BRIP1: variants seen among roughly 807,000 people sequenced by gnomAD.
BRIP1 encodes the protein BRCA1 interacting DNA helicase 1.
In BRIP1, 88 loss-of-function variants were observed where a neutral mutation model predicts 119.7. That is an observed-to-expected ratio of 0.74 (90% CI 0.62 to 0.88). BRIP1 has a LOEUF of 0.88. BRIP1 is among the 40% of genes least tolerant of loss of function. The pLI is 0.00. For missense variants in BRIP1, 1,259 were observed against 1,455.4 expected (o/e 0.87, Z 2.20); for synonymous variants, 443 against 496.5 (o/e 0.89, Z 1.43).
At position 61,756,005 on chromosome 17, in the gene BRIP1, G is replaced by A. The variant is rs534959934; in HGVS notation, c.2098-11414C>T. Among the ~76,000 whole-genome samples the A allele has an allele frequency of 3.3e-5, 5 of 152,118 alleles. No homozygotes were observed. The highest frequency in any genetic ancestry group is 4.4e-5 in the Non-Finnish European group (3 of 68,028). On this transcript the variant is annotated intron_variant, in intron 14 of 19. Coordinates refer to ENST00000259008, the MANE Select transcript of BRIP1 (RefSeq NM_032043.3). The surrounding 1 kb of genome is among the most constrained non-coding windows in gnomAD (Gnocchi z 4.3). ...GTGTTTTATTTTAATTTCTTCAGTG[G>A]AGATTTTTTTTAAAGTACCTTAAAA...
intron 16 of BRIP1, among the ~76,000 whole-genome samples, chr17:61,741,207 G>A (rs2076982678): frequency 6.6e-6 from 1 of 152,144 alleles, no homozygotes; most frequent in Non-Finnish European, 1.5e-5. Flanking sequence ...GTGTCCTCAT[G>A]AGATTGCAGC....
intron 3 of BRIP1, 85 bp downstream of exon 3, chr17:61,859,711 G>C: frequency 1.1e-6 from 1 of 876,686 alleles, no homozygotes; most frequent in Non-Finnish European, 1.9e-6. Context: ...GCGACAGCAT[G>C]GCTGAACCAG....
chr17:61,818,082 A>T (rs1029535619), intron 6 of BRIP1, among the ~76,000 whole-genome samples: 1 of 149,666 alleles, frequency 6.7e-6, no homozygotes, highest in Non-Finnish European at 1.5e-5. Flanking sequence ...GACAGGTGTG[A>T]TCTCTCACAC....
chr17:61,683,112 C>G lies in BRIP1; in HGVS notation c.*184G>C. ...CACCACTGCATTCCAGCCTGGGCAA[C>G]AGACCAAGACTCTGTCTCAAAAAAA... On this transcript the variant is annotated 3_prime_UTR_variant, in exon 20 of 20. Coordinates refer to ENST00000259008, the MANE Select transcript of BRIP1 (RefSeq NM_032043.3). This position sits in a 1 kb window ranked among gnomAD's most constrained non-coding sequence, Gnocchi z 4.7. The G allele has an allele frequency of 1.5e-6, 1 of 675,156 alleles. No individual in the cohort carries two copies. Among genetic ancestry groups the G allele is most frequent in the South Asian group, 2.0e-5 (1 of 50,084 alleles). The allele number at this position is 675,156 out of a possible 1,614,324, so 41.8% of individuals were successfully genotyped here. A position where few individuals can be genotyped will look rare whatever the true frequency, so the allele number is the denominator to read the frequency against.
At position 61,756,713 on chromosome 17, in the gene BRIP1, A is replaced by C. The variant is rs537547448; in HGVS notation, c.2098-12122T>G. Among the ~76,000 whole-genome samples the C allele has an allele frequency of 1.3e-5, 2 of 152,314 alleles. No individual in the cohort carries two copies. Among genetic ancestry groups the C allele is most frequent in the Admixed American group, 1.3e-4 (2 of 15,292 alleles). ...TTTGCTCAATGTCCATAGCTTTTAC[A>C]CAGTTCCAGATGTTCAGTACATTAA... On this transcript the variant is annotated intron_variant, in intron 14 of 19. Transcript: ENST00000259008. This position sits in a 1 kb window ranked among gnomAD's most constrained non-coding sequence, Gnocchi z 4.3.
In BRIP1 at chr17:61,834,897, G is replaced by C. The variant is rs1288836143; in HGVS notation, c.627+12204C>G. Among the ~76,000 whole-genome samples the C allele has an allele frequency of 1.3e-5, 2 of 152,296 alleles. No individual in the cohort carries two copies. Among genetic ancestry groups the C allele is most frequent in the African/African-American group, 4.8e-5 (2 of 41,554 alleles). ...CTGAGATCAGCAGAAGAAATGCCCAGCTGAGCCCACCCTAAATTGCTGACC... is the reference window on the plus strand; with the variant it reads ...CTGAGATCAGCAGAAGAAATGCCCACCTGAGCCCACCCTAAATTGCTGACC... On this transcript the variant is annotated intron_variant, in intron 6 of 19. Transcript: ENST00000259008. The surrounding 1 kb of genome is among the most constrained non-coding windows in gnomAD (Gnocchi z 4.4).
rs908978207 is a variant in BRIP1 at position 61,690,756 on chromosome 17, C to T, written c.2575+2674G>A. Reference sequence around the variant, plus strand: ...GAAAAAGAATAAAGTGAAATGATCTCTCTTTGCAGATGACATGATCTTTTA... The same window carrying T: ...GAAAAAGAATAAAGTGAAATGATCTTTCTTTGCAGATGACATGATCTTTTA... On this transcript the variant is annotated intron_variant, in intron 18 of 19. Transcript: ENST00000259008. This position sits in a 1 kb window ranked among gnomAD's most constrained non-coding sequence, Gnocchi z 5.6. Among the ~76,000 whole-genome samples the T allele has an allele frequency of 2.6e-5, 4 of 152,034 alleles. 1 individual carries two copies. The South Asian group carries it at 8.3e-4, about 32-fold the overall frequency.
Position 61,717,650 on chromosome 17 carries a change from G to A in BRIP1, c.2380-1587C>T, listed in dbSNP as rs751203535. The stretch of plus-strand genomic sequence containing the variant: ...TAGCGACTTTGGATTGGATTACAGT[G>A]TGCTGTTGTGTGTATTTTGCTTGCG... On this transcript the variant is annotated intron_variant, in intron 16 of 19. Transcript: ENST00000259008. The surrounding 1 kb of genome is among the most constrained non-coding windows in gnomAD (Gnocchi z 4.1). Among the ~76,000 whole-genome samples the A allele has an allele frequency of 4.6e-5, 7 of 152,046 alleles. No individual in the cohort carries two copies. Among genetic ancestry groups the A allele is most frequent in the Admixed American group, 1.3e-4 (2 of 15,268 alleles).
chr17:61,850,161 G>C (rs2078796897), intron 4 of BRIP1, among the ~76,000 whole-genome samples: 1 of 148,012 alleles, frequency 6.8e-6, no homozygotes, highest in South Asian at 2.1e-4. Flanking sequence ...GAAGTGCAAT[G>C]GTGTGATCTC....
chr17:61,781,223 G>C (rs1475086059), intron 11 of BRIP1, among the ~76,000 whole-genome samples: 2 of 152,122 alleles, frequency 1.3e-5, no homozygotes, highest in Admixed American at 1.3e-4. Context: ...GGGAATATTA[G>C]AAATCATCTA....
rs185229482 is a variant in BRIP1 at position 61,741,796 on chromosome 17, T to C, written c.2379+1217A>G. On this transcript the variant is annotated intron_variant, in intron 16 of 19. Transcript: ENST00000259008. ...TTCCATCTATACAGCACAGGCAGAG[T>C]AGATTTAGTATAATTCTTAAAGGCT... Among the ~76,000 whole-genome samples the C allele has an allele frequency of 1.7e-3, 260 of 152,242 alleles. 2 individuals carry two copies. Among genetic ancestry groups the C allele is most frequent in the African/African-American group, 4.7e-3 (196 of 41,558 alleles).
Position 61,775,556 on chromosome 17 carries a change from A to T in BRIP1, c.2097+845T>A, listed in dbSNP as rs557844725. On this transcript the variant is annotated intron_variant, in intron 14 of 19. Transcript: ENST00000259008. This position sits in a 1 kb window ranked among gnomAD's most constrained non-coding sequence, Gnocchi z 4.4. The stretch of plus-strand genomic sequence containing the variant: ...CAATGTGATGTTACTTTCAGGAATT[A>T]TAAGTGGTTTCAATGCTTTGAATGT... Among the ~76,000 whole-genome samples, 3 of 152,350 alleles carry T rather than the reference A, an allele frequency of 2.0e-5. No individual in the cohort carries two copies. Among genetic ancestry groups the T allele is most frequent in the Non-Finnish European group, 4.4e-5 (3 of 68,040 alleles).
At chr17:61,850,673 C>T (rs911456046) in intron 4 of BRIP1, among the ~76,000 whole-genome samples, 5 of 151,412 alleles carry the variant, frequency 3.3e-5, no homozygotes, top group African/African-American at 7.3e-5. Flanking sequence ...ATTAAAAATA[C>T]GAAAATTAGC....
Position 61,794,035 on chromosome 17 carries a change from T to G in BRIP1, c.1341-306A>C, listed in dbSNP as rs1002691311. On this transcript the variant is annotated intron_variant, in intron 9 of 19. Coordinates refer to ENST00000259008, the MANE Select transcript of BRIP1 (RefSeq NM_032043.3). This position sits in a 1 kb window ranked among gnomAD's most constrained non-coding sequence, Gnocchi z 4.3. ...GTCTCTTCAACTGAGAGCCAGGTCT[T>G]AGGTACTTATCCCAAATATATATAA... is the stretch of plus-strand genomic sequence containing the variant. Among the ~76,000 whole-genome samples the G allele has an allele frequency of 6.6e-6, 1 of 152,140 alleles. No homozygotes were observed. The highest frequency in any genetic ancestry group is 2.4e-5 in the African/African-American group (1 of 41,448).
chr17:61,788,353 C>A (rs760082306), intron 10 of BRIP1, among the ~76,000 whole-genome samples: 7 of 151,960 alleles, frequency 4.6e-5, no homozygotes, highest in Non-Finnish European at 7.4e-5. Context: ...AGAACTATAT[C>A]TTGTCATGAA....
chr17:61,707,742 G>T (rs1180364069), intron 17 of BRIP1, among the ~76,000 whole-genome samples: 5 of 151,078 alleles, frequency 3.3e-5, no homozygotes, highest in Non-Finnish European at 5.9e-5. Flanking sequence ...ATTTTTTTTT[G>T]AAGATTTCTC....
Position 61,793,190 on chromosome 17 carries a change from T to C in BRIP1, c.1473+407A>G, listed in dbSNP as rs928267829. ...GCATATAGCTTCATAAGTTTCATAG[T>C]CTTCCAAAGCCTACTCATGATCTCT... On this transcript the variant is annotated intron_variant, in intron 10 of 19. Transcript: ENST00000259008. This position sits in a 1 kb window ranked among gnomAD's most constrained non-coding sequence, Gnocchi z 5.2. Among the ~76,000 whole-genome samples, 2 of 152,160 alleles carry C rather than the reference T, an allele frequency of 1.3e-5. No individual in the cohort carries two copies. The highest frequency in any genetic ancestry group is 4.8e-5 in the African/African-American group (2 of 41,450).
At chr17:61,813,333 C>G (rs1321799030) in intron 6 of BRIP1, among the ~76,000 whole-genome samples, 1 of 151,960 alleles carries the variant, frequency 6.6e-6, no homozygotes, top group Non-Finnish European at 1.5e-5. Flanking sequence ...AACCACACTG[C>G]AAATTCCTTG....
At chr17:61,820,362 A>AAT (rs1485194790) in intron 6 of BRIP1, among the ~76,000 whole-genome samples, 1 of 152,194 alleles carries the variant, frequency 6.6e-6, no homozygotes, top group East Asian at 1.9e-4. Flanking sequence ...TCATGTTTTG[A>AAT]ATGGCTACAC....
Sources: gnomAD v4.1 joint callset for allele counts (sites outside exome capture counted in the v4.1 genomes callset) on GRCh38, gnomAD v4.1.1 for gene constraint, Gnocchi (gnomAD v3.1) non-coding constraint, MANE v1.5 for transcripts, NCBI Gene and HGNC (gene_info 2026-07-23, HGNC 2026-07-21) for gene names.